Variants in TENM4 observed in about 807,000 individuals in gnomAD.
The protein encoded by TENM4 is teneurin-4.
TENM4 carries 82 observed loss-of-function variants against 243.3 expected under a neutral mutation model. The observed-to-expected ratio is 0.34, with a 90% CI of 0.28 to 0.40. TENM4 has a LOEUF of 0.40. Ranked by LOEUF, TENM4 falls within the 10% of genes least tolerant of loss-of-function variation. The probability of loss-of-function intolerance (pLI) is 1.00; values close to 1 mark genes in which losing one functional copy is unlikely to be tolerated. For missense variants in TENM4, 3,138 were observed against 3,673.3 expected, an observed-to-expected ratio of 0.85 and a Z score of 3.77; for synonymous variants, 1,412 against 1,456.3, an observed-to-expected ratio of 0.97 and a Z score of 0.69.
At chr11:78,730,249 G>A (rs1458718099) in intron 21 of TENM4, among the ~76,000 whole-genome samples, 2 of 152,342 alleles carry the variant, frequency 1.3e-5, no homozygotes, top group South Asian at 4.1e-4. Context: ...GCCATGAAGA[G>A]AGACTACTGC....
chr11:78,694,562 G>A (rs1375190091), intron 28 of TENM4, among the ~76,000 whole-genome samples: 1 of 152,218 alleles, frequency 6.6e-6, no homozygotes, highest in Non-Finnish European at 1.5e-5. Context: ...GGTGGGAACT[G>A]CTTAGGGTTC....
At chr11:79,234,691 C>T (rs1304715312) in intron 2 of TENM4, among the ~76,000 whole-genome samples, 2 of 152,194 alleles carry the variant, frequency 1.3e-5, no homozygotes, top group Non-Finnish European at 2.9e-5. Flanking sequence ...TAATGGGTCT[C>T]ATCCTTTTAA....
At chr11:78,916,492 T>C (rs1265282047) in intron 6 of TENM4, among the ~76,000 whole-genome samples, 1 of 152,206 alleles carries the variant, frequency 6.6e-6, no homozygotes, top group East Asian at 1.9e-4. Flanking sequence ...CCTTTGTCCA[T>C]GTACAGTCTT....
chr11:78,921,456 A>G (rs773868147), intron 6 of TENM4, among the ~76,000 whole-genome samples: 23 of 152,236 alleles, frequency 1.5e-4, no homozygotes, highest in Non-Finnish European at 3.1e-4. Flanking sequence ...AGATGTCGAA[A>G]GCCTCCATGA....
chr11:78,908,661 G>A (rs117217617), intron 6 of TENM4, among the ~76,000 whole-genome samples: 1,845 of 152,310 alleles, frequency 0.012, 110 homozygotes, highest in Admixed American at 0.097. Flanking sequence ...AAACTGATGA[G>A]AATGGCTGTA....
chr11:79,314,066 G>A (rs1856765053), intron 1 of TENM4, among the ~76,000 whole-genome samples: 1 of 152,186 alleles, frequency 6.6e-6, no homozygotes. Flanking sequence ...AATGTGCAGA[G>A]CTGTTAAGGA....
intron 1 of TENM4, among the ~76,000 whole-genome samples, chr11:79,340,998 T>C (rs1009203856): frequency 5.9e-5 from 9 of 152,132 alleles, no homozygotes; most frequent in African/African-American, 2.2e-4. Flanking sequence ...AAGAGGACAG[T>C]GAGAGACTCG....
chr11:78,886,751 C>T (rs187269400), intron 9 of TENM4, among the ~76,000 whole-genome samples: 50 of 152,332 alleles, frequency 3.3e-4, no homozygotes, highest in Non-Finnish European at 6.2e-4. Context: ...CTGGCTTGAT[C>T]CTTGTATATG....
intron 6 of TENM4, among the ~76,000 whole-genome samples, chr11:78,929,160 G>C (rs902755571): frequency 6.6e-6 from 1 of 152,088 alleles, no homozygotes; most frequent in Non-Finnish European, 1.5e-5. Context: ...TATAAATCTG[G>C]ACCCATCAAA....
At chr11:79,037,046 G>GA (rs1181181399) in intron 6 of TENM4, among the ~76,000 whole-genome samples, 1 of 111,578 alleles carries the variant, frequency 9.0e-6, no homozygotes, top group African/African-American at 3.7e-5. Context: ...AAAAAAAAAA[G>GA]AAAAAAAAGA....
intron 4 of TENM4, among the ~76,000 whole-genome samples, chr11:79,075,160 T>G (rs1036659905): frequency 3.9e-5 from 6 of 152,250 alleles, no homozygotes; most frequent in African/African-American, 1.4e-4. Context: ...GGTCAAGTGC[T>G]TGAGATGATT....
intron 1 of TENM4, among the ~76,000 whole-genome samples, chr11:79,359,804 T>C (rs893492744): frequency 6.6e-6 from 1 of 152,100 alleles, no homozygotes; most frequent in African/African-American, 2.4e-5. Context: ...AGGCAGCTTA[T>C]GAGGTGGTAT....
chr11:79,185,759 A>G (rs1463931240), intron 3 of TENM4, among the ~76,000 whole-genome samples: 1 of 152,228 alleles, frequency 6.6e-6, no homozygotes, highest in East Asian at 1.9e-4. Flanking sequence ...CCTTAGAAAA[A>G]GTACATTGGC....
intron 4 of TENM4, among the ~76,000 whole-genome samples, chr11:79,100,073 G>A (rs1325586944): frequency 6.6e-6 from 1 of 152,146 alleles, no homozygotes; most frequent in East Asian, 1.9e-4. Flanking sequence ...TGGAGGAGGG[G>A]AGACAACCAC....
chr11:79,408,911 C>T (rs1435270445), intron 1 of TENM4, among the ~76,000 whole-genome samples: 1 of 152,148 alleles, frequency 6.6e-6, no homozygotes, highest in Non-Finnish European at 1.5e-5. Context: ...AGTGGAAGCT[C>T]ATAGCAGAAT....
intron 4 of TENM4, among the ~76,000 whole-genome samples, chr11:79,146,099 G>A (rs1029682029): frequency 6.6e-6 from 1 of 152,000 alleles, no homozygotes; most frequent in African/African-American, 2.4e-5. Context: ...AGGTTACTCT[G>A]TTTTTACTTT....
At chr11:79,257,294 A>T (rs894473214) in intron 2 of TENM4, among the ~76,000 whole-genome samples, 2 of 151,708 alleles carry the variant, frequency 1.3e-5, no homozygotes, top group African/African-American at 4.8e-5. Flanking sequence ...TTAAAGAATT[A>T]AAAAAAAATT....
chr11:79,191,788 G>A, intron 3 of TENM4: 1 of 195,510 alleles, frequency 5.1e-6, no homozygotes, highest in Non-Finnish European at 1.0e-5. Context: ...GACCCCGTCT[G>A]GGAGGTGAGG....
At chr11:78,814,271 G>A in intron 13 of TENM4, 23 bp downstream of exon 13, 3 of 1,547,294 alleles carry the variant, frequency 1.9e-6, no homozygotes, top group Non-Finnish European at 2.6e-6. Flanking sequence ...CAGAAATCCA[G>A]AGCTCCAATG....
Sources: gnomAD v4.1 joint callset for allele counts (sites outside exome capture counted in the v4.1 genomes callset) on GRCh38, gnomAD v4.1.1 for gene constraint, MANE v1.5 for transcripts, NCBI Gene and HGNC (gene_info 2026-07-23, HGNC 2026-07-21) for gene names.